The following POLR2D variants were observed in gnomAD, a reference collection of about 807,000 sequenced individuals.
POLR2D encodes the protein RNA polymerase II subunit D.
A neutral mutation model predicts 17.6 loss-of-function variants in POLR2D; 10 were observed. That is an observed-to-expected ratio of 0.57 (90% CI 0.35 to 0.96). The LOEUF (loss-of-function observed/expected upper bound fraction) is 0.96, where lower values mean the gene tolerates loss of function less well. Ranked by LOEUF, POLR2D falls within the 40% of genes least tolerant of loss-of-function variation. The pLI is 0.02. For synonymous variants in POLR2D, 52 were observed against 60.2 expected (o/e 0.86, Z 0.63); for missense variants, 126 against 176.4 (o/e 0.71, Z 1.62).
intron 3 of POLR2D, among the ~76,000 whole-genome samples, chr2:127,849,395 A>C (rs1690209548): frequency 6.6e-6 from 1 of 152,164 alleles, no homozygotes. Flanking sequence ...CTCCTAGACC[A>C]GTACCTTCCC....
intron 1 of POLR2D, among the ~76,000 whole-genome samples, chr2:127,855,389 C>T (rs1016802353): frequency 7.9e-6 from 1 of 126,008 alleles, no homozygotes; most frequent in Admixed American, 8.6e-5. Flanking sequence ...AGTGAAACTC[C>T]GTCTCAAAAA....
intron 2 of POLR2D, among the ~76,000 whole-genome samples, chr2:127,850,906 C>T (rs961962097): frequency 1.3e-5 from 2 of 151,932 alleles, no homozygotes; most frequent in Non-Finnish European, 2.9e-5. Context: ...AGCACCATGG[C>T]GAAACCCCGT....
rs1690137428 is a variant in POLR2D, at chr2:127,845,394, T to TTTTTTTTTTTTTTTTTTTTA, written c.*2712_*2713insTAAAAAAAAAAAAAAAAAAA. 1 of 94,420 alleles carries TTTTTTTTTTTTTTTTTTTTA rather than the reference T, an allele frequency of 1.1e-5. No homozygotes were observed. Among genetic ancestry groups the TTTTTTTTTTTTTTTTTTTTA allele is most frequent in the African/African-American group, 2.9e-5 (1 of 34,080 alleles). The allele number at this position is 94,420 out of a possible 1,614,324, so 5.8% of individuals were successfully genotyped here. ...TTCACTTTTTTTTTTTTTTTTTTTT[T>TTTTTTTTTTTTTTTTTTTTA]GAGACAGTTTCGCTCTTGTTGCCTA... On this transcript the variant is annotated 3_prime_UTR_variant, in exon 4 of 4. Transcript: ENST00000272645.
intron 2 of POLR2D, 31 bp from the exon 3 acceptor site, chr2:127,850,716 T>C (rs6713679): frequency 0.52 from 546,174 of 1,041,422 alleles, 148,137 homozygotes; most frequent in South Asian, 0.71. Context: ...AAAATCAAAA[T>C]AATCAAAAAC....
At position 127,845,030 on chromosome 2, in the gene POLR2D, T is replaced by G. The variant is rs543152636; in HGVS notation, c.*3077A>C. On this transcript the variant is annotated 3_prime_UTR_variant, in exon 4 of 4. Coordinates refer to ENST00000272645, the MANE Select transcript of POLR2D (RefSeq NM_004805.4). ...TAGTGCCTAACTATGTGCCAGAGCA[T>G]TATATACTTCAGTATTCTCAGGTAG... The G allele has an allele frequency of 6.6e-6, 1 of 152,256 alleles. No individual in the cohort carries two copies. The highest frequency in any genetic ancestry group is 2.1e-4 in the South Asian group (1 of 4,824). 9.4% of individuals were successfully genotyped at this position (152,256 alleles called of 1,614,324 possible).
chr2:127,851,648 ATCAATACCC>A (rs1245162175), intron 2 of POLR2D, among the ~76,000 whole-genome samples: 1 of 152,216 alleles, frequency 6.6e-6, no homozygotes, highest in Non-Finnish European at 1.5e-5. Context: ...CATAGAAATG[ATCAATACCC>A]TCAATACCCT....
At chr2:127,857,495 T>C (rs1392029891) in intron 1 of POLR2D, among the ~76,000 whole-genome samples, 3 of 152,186 alleles carry the variant, frequency 2.0e-5, no homozygotes, top group African/African-American at 7.2e-5. Flanking sequence ...GGACTCTGTC[T>C]CTCTGCCTCT....
intron 3 of POLR2D, among the ~76,000 whole-genome samples, chr2:127,849,292 C>T (rs1436199639): frequency 1.3e-5 from 2 of 152,194 alleles, no homozygotes; most frequent in African/African-American, 2.4e-5. Context: ...CCACCTGCCT[C>T]GGCCTCCCAA....
At chr2:127,854,729 A>G (rs1690301651) in intron 1 of POLR2D, among the ~76,000 whole-genome samples, 1 of 152,198 alleles carries the variant, frequency 6.6e-6, no homozygotes, top group Non-Finnish European at 1.5e-5. Flanking sequence ...AAAATAGGTA[A>G]CCAAAAACTG....
Position 127,852,982 on chromosome 2 carries a change from TTTA to T in POLR2D, c.194_196del (p.Leu65_Asn66delinsTyr), listed in dbSNP as rs746214416. The T allele has an allele frequency of 6.2e-7, 1 of 1,614,074 alleles. No individual in the cohort carries two copies. Among genetic ancestry groups the T allele is most frequent in the Non-Finnish European group, 8.5e-7 (1 of 1,179,922 alleles). On this transcript the variant is annotated inframe_deletion, in exon 2 of 4. Transcript: ENST00000272645. This position sits in a 1 kb window ranked among gnomAD's most constrained non-coding sequence, Gnocchi z 4.0. ...GAAACGACTGAAACGGGCTGTGTAG[TTTA>T]ATGTTTTCATGAAGACTTCTGAGAG...
rs1690176344 is a variant in POLR2D, at chr2:127,847,543, G to A, written c.*564C>T. ...ACCTGTGGCCCCAGTTATTTGGGAG[G>A]CTGAGGCAGCGGGGTCAAGACTTCA... On this transcript the variant is annotated 3_prime_UTR_variant, in exon 4 of 4. Coordinates refer to ENST00000272645, the MANE Select transcript of POLR2D (RefSeq NM_004805.4). 6.5e-6 allele frequency: 1 copy of A among 154,750 alleles called. No homozygotes were observed. The highest frequency in any genetic ancestry group is 6.3e-5 in the Admixed American group (1 of 15,770). The allele number at this position is 154,750 out of a possible 1,614,324, so 9.6% of individuals were successfully genotyped here. A position where few individuals can be genotyped will look rare whatever the true frequency, so the allele number is the denominator to read the frequency against.
chr2:127,848,105 G>A lies in POLR2D; in HGVS notation c.*2C>T. ...TCTCCGAGCAGCAGTGATGTTTGGA[G>A]ATTAATACTGAAAGCTGCGCTTTGT... is the stretch of plus-strand genomic sequence containing the variant. On this transcript the variant is annotated 3_prime_UTR_variant, in exon 4 of 4. Transcript: ENST00000272645. 1 of 1,597,648 alleles carries A rather than the reference G, an allele frequency of 6.3e-7. No homozygotes were observed. The highest frequency in any genetic ancestry group is 1.1e-5 in the South Asian group (1 of 90,710).
chr2:127,850,565 A>G, intron 3 of POLR2D, 25 bp downstream of exon 3: 1 of 1,009,812 alleles, frequency 9.9e-7, no homozygotes, highest in Non-Finnish European at 1.5e-6. Flanking sequence ...CAGTATACAG[A>G]GAACTTATCA....
chr2:127,851,094 T>C (rs1690245550), intron 2 of POLR2D, among the ~76,000 whole-genome samples: 1 of 151,998 alleles, frequency 6.6e-6, no homozygotes. Context: ...AGTGGCGGGC[T>C]ACTCCCAGCT....
At chr2:127,850,081 C>A (rs568529500) in intron 3 of POLR2D, among the ~76,000 whole-genome samples, 1 of 152,174 alleles carries the variant, frequency 6.6e-6, no homozygotes, top group South Asian at 2.1e-4. Context: ...TACAGAAGTT[C>A]CAGCTGTTTC....
chr2:127,854,730 C>T (rs992165983), intron 1 of POLR2D, among the ~76,000 whole-genome samples: 9 of 152,064 alleles, frequency 5.9e-5, no homozygotes, highest in African/African-American at 1.4e-4. Context: ...AAATAGGTAA[C>T]CAAAAACTGT....
chr2:127,851,226 A>G (rs1036142226), intron 2 of POLR2D, among the ~76,000 whole-genome samples: 2 of 151,954 alleles, frequency 1.3e-5, no homozygotes, highest in African/African-American at 2.4e-5. Flanking sequence ...AAAACAGACA[A>G]ACAAACAAAC....
At chr2:127,849,137 C>G (rs931596804) in intron 3 of POLR2D, among the ~76,000 whole-genome samples, 1 of 152,062 alleles carries the variant, frequency 6.6e-6, no homozygotes, top group Non-Finnish European at 1.5e-5. Flanking sequence ...CATCACCTCT[C>G]GGGTTCCAGT....
At position 127,844,402 on chromosome 2, in the gene POLR2D, G is replaced by A. The variant is rs1278163449; in HGVS notation, c.*3705C>T. 6.6e-6 allele frequency: 1 copy of A among 152,230 alleles called. No homozygotes were observed. Among genetic ancestry groups the A allele is most frequent in the East Asian group, 1.9e-4 (1 of 5,198 alleles). 9.4% of individuals were successfully genotyped at this position (152,230 alleles called of 1,614,324 possible). ...CTGGTTAATTTAGCTTTCTGGTGAA[G>A]TGAGGGTTTGACAACCTATCTTTTT... On this transcript the variant is annotated 3_prime_UTR_variant, in exon 4 of 4. Transcript: ENST00000272645.
Sources: gnomAD v4.1 joint callset for allele counts (sites outside exome capture counted in the v4.1 genomes callset) on GRCh38, gnomAD v4.1.1 for gene constraint, Gnocchi (gnomAD v3.1) non-coding constraint, MANE v1.5 for transcripts, NCBI Gene and HGNC (gene_info 2026-07-23, HGNC 2026-07-21) for gene names.